CREB5: variants seen among roughly 807,000 people sequenced by gnomAD.
CREB5 encodes cAMP responsive element binding protein 5, also known as cyclic AMP-responsive element-binding protein 5.
A neutral mutation model predicts 57.1 loss-of-function variants in CREB5; 19 were observed. The observed-to-expected ratio is 0.33, with a 90% CI of 0.23 to 0.49. The LOEUF is 0.49. Ranked by LOEUF, CREB5 falls within the 20% of genes least tolerant of loss-of-function variation. CREB5 has a pLI of 0.99. For synonymous variants in CREB5, 238 were observed against 238.3 expected (o/e 1.00, Z 0.01); for missense variants, 579 against 671.6 (o/e 0.86, Z 1.52).
At chr7:28,423,937 C>T (rs553814820) in intron 1 of CREB5, among the ~76,000 whole-genome samples, 1 of 152,274 alleles carries the variant, frequency 6.6e-6, no homozygotes, top group African/African-American at 2.4e-5. Context: ...AGCAAAGTAG[C>T]ACAAACTCGG....
intron 7 of CREB5, among the ~76,000 whole-genome samples, chr7:28,769,027 T>TGTA (rs1218455304): frequency 1.3e-5 from 2 of 152,252 alleles, no homozygotes; most frequent in African/African-American, 4.8e-5. Flanking sequence ...AGTCCTTGAG[T>TGTA]GTAAACTCAT....
intron 1 of CREB5, among the ~76,000 whole-genome samples, chr7:28,355,925 A>G (rs1246196652): frequency 6.6e-6 from 1 of 152,172 alleles, no homozygotes; most frequent in Non-Finnish European, 1.5e-5. Context: ...TGAAGAAACG[A>G]GTGACTCAAG....
chr7:28,610,145 A>G (rs1047349841), intron 5 of CREB5, among the ~76,000 whole-genome samples: 6 of 152,086 alleles, frequency 3.9e-5, no homozygotes, highest in African/African-American at 1.4e-4. Flanking sequence ...CCTGGGGTAC[A>G]GCTTTTATGG....
At chr7:28,485,777 G>A (rs1021485013) in intron 1 of CREB5, among the ~76,000 whole-genome samples, 5 of 152,116 alleles carry the variant, frequency 3.3e-5, no homozygotes, top group Admixed American at 2.0e-4. Flanking sequence ...TGGATAGCCC[G>A]ACAACTCTGT....
chr7:28,461,237 A>G (rs1305951137), intron 1 of CREB5, among the ~76,000 whole-genome samples: 1 of 152,030 alleles, frequency 6.6e-6, no homozygotes, highest in African/African-American at 2.4e-5. Flanking sequence ...CTCTGAAAAA[A>G]AAAAAAAAGA....
intron 5 of CREB5, among the ~76,000 whole-genome samples, chr7:28,631,156 T>C (rs1320392931): frequency 1.3e-5 from 2 of 152,170 alleles, no homozygotes; most frequent in Non-Finnish European, 2.9e-5. Context: ...TTGATTCTTC[T>C]TCTCTGTGAC....
chr7:28,456,203 C>T (rs547070242), intron 1 of CREB5, among the ~76,000 whole-genome samples: 1 of 151,874 alleles, frequency 6.6e-6, no homozygotes, highest in East Asian at 1.9e-4. Context: ...AATGTTCCCT[C>T]TGAAGCATGT....
At chr7:28,734,230 A>C (rs942255163) in intron 7 of CREB5, among the ~76,000 whole-genome samples, 6 of 140,562 alleles carry the variant, frequency 4.3e-5, no homozygotes, top group South Asian at 2.3e-4. Context: ...AAAAAAAAAA[A>C]CACAAACAAA....
At chr7:28,723,675 G>A (rs1803173231) in intron 6 of CREB5, among the ~76,000 whole-genome samples, 1 of 152,142 alleles carries the variant, frequency 6.6e-6, no homozygotes, top group South Asian at 2.1e-4. Flanking sequence ...CCACCTCTGA[G>A]AGTGTTGCTT....
intron 5 of CREB5, among the ~76,000 whole-genome samples, chr7:28,689,461 C>T (rs1801132252): frequency 6.6e-6 from 1 of 152,090 alleles, no homozygotes; most frequent in Non-Finnish European, 1.5e-5. Flanking sequence ...AAGCGAGACT[C>T]TGTCTTAATA....
chr7:28,442,806 CATT>C (rs1293947998), intron 1 of CREB5, among the ~76,000 whole-genome samples: 1 of 152,182 alleles, frequency 6.6e-6, no homozygotes, highest in African/African-American at 2.4e-5. Flanking sequence ...TATCACTCAT[CATT>C]GAGTCTCTTA....
intron 4 of CREB5, among the ~76,000 whole-genome samples, chr7:28,519,395 A>G (rs1264216141): frequency 6.6e-6 from 1 of 152,238 alleles, no homozygotes; most frequent in Non-Finnish European, 1.5e-5. Flanking sequence ...TAAATTGCTT[A>G]TAATGTTCAA....
At chr7:28,693,249 C>A (rs1801369694) in intron 5 of CREB5, among the ~76,000 whole-genome samples, 1 of 152,184 alleles carries the variant, frequency 6.6e-6, no homozygotes, top group Non-Finnish European at 1.5e-5. Context: ...GTCAAGGTAT[C>A]TATTAATGCA....
intron 1 of CREB5, among the ~76,000 whole-genome samples, chr7:28,352,608 T>C (rs1786255464): frequency 6.6e-6 from 1 of 152,168 alleles, no homozygotes; most frequent in South Asian, 2.1e-4. Flanking sequence ...CCCTTCAAAG[T>C]CACAAGATGA....
At chr7:28,411,577 T>G (rs1787806836), upstream of CREB5, among the ~76,000 whole-genome samples, 1 of 142,370 alleles carries the variant, frequency 7.0e-6, no homozygotes, top group African/African-American at 2.6e-5. Flanking sequence ...GGTGGGGGCG[T>G]GAGGGAGGTG....
At chr7:28,766,780 T>C (rs1251981435) in intron 7 of CREB5, among the ~76,000 whole-genome samples, 1 of 152,156 alleles carries the variant, frequency 6.6e-6, no homozygotes, top group Admixed American at 6.5e-5. Flanking sequence ...CTCAGCCACA[T>C]TGGTAAACTT....
At chr7:28,648,608 G>T (rs984592817) in intron 5 of CREB5, among the ~76,000 whole-genome samples, 1 of 152,156 alleles carries the variant, frequency 6.6e-6, no homozygotes, top group African/African-American at 2.4e-5. Flanking sequence ...TGGGCTTGCT[G>T]GTGCATGCCC....
intron 1 of CREB5, among the ~76,000 whole-genome samples, chr7:28,338,885 C>G (rs578189717): frequency 6.6e-6 from 1 of 151,952 alleles, no homozygotes; most frequent in Admixed American, 6.5e-5. Flanking sequence ...TTTTCTTCTG[C>G]TTGATCAGTT....
intron 4 of CREB5, among the ~76,000 whole-genome samples, chr7:28,535,530 T>C (rs1793918516): frequency 6.6e-6 from 1 of 150,624 alleles, no homozygotes; most frequent in South Asian, 2.1e-4. Flanking sequence ...CCTTCACTTA[T>C]GCTTGTTTAA....
Sources: gnomAD v4.1 joint callset for allele counts (sites outside exome capture counted in the v4.1 genomes callset) on GRCh38, gnomAD v4.1.1 for gene constraint, MANE v1.5 for transcripts, NCBI Gene and HGNC (gene_info 2026-07-23, HGNC 2026-07-21) for gene names.